The following SLCO6A1 variants were observed in gnomAD, a reference collection of about 807,000 sequenced individuals.
The protein encoded by SLCO6A1 is cancer/testis antigen 48.
SLCO6A1 carries 65 observed loss-of-function variants against 72.7 expected under a neutral mutation model. The observed-to-expected ratio is 0.89, with a 90% CI of 0.73 to 1.10. SLCO6A1 has a LOEUF of 1.10. SLCO6A1 is among the 50% of genes least tolerant of loss of function. The probability of loss-of-function intolerance (pLI) is 0.00; values close to 1 mark genes in which losing one functional copy is unlikely to be tolerated. For synonymous variants in SLCO6A1, 314 were observed against 298.2 expected, an observed-to-expected ratio of 1.05 and a Z score of -0.55; for missense variants, 874 against 872.6, an observed-to-expected ratio of 1.00 and a Z score of -0.02.
intron 4 of SLCO6A1, among the ~76,000 whole-genome samples, chr5:102,471,257 T>C (rs1221243990): frequency 1.3e-5 from 2 of 152,032 alleles, no homozygotes; most frequent in Non-Finnish European, 2.9e-5. Context: ...CATGTTCTCC[T>C]TACCACCTAT....
At chr5:102,404,045 T>A (rs1182111479) in intron 9 of SLCO6A1, among the ~76,000 whole-genome samples, 1 of 152,256 alleles carries the variant, frequency 6.6e-6, no homozygotes, top group Non-Finnish European at 1.5e-5. Flanking sequence ...CTCATTCCTA[T>A]AACTTGCCAA....
chr5:102,374,282 A>C (rs975997434), intron 12 of SLCO6A1, among the ~76,000 whole-genome samples: 2 of 152,178 alleles, frequency 1.3e-5, no homozygotes, highest in African/African-American at 2.4e-5. Flanking sequence ...CTGGGATTAC[A>C]GACAGGAGCC....
At chr5:102,465,513 C>G (rs1405882148) in intron 4 of SLCO6A1, among the ~76,000 whole-genome samples, 1 of 152,082 alleles carries the variant, frequency 6.6e-6, no homozygotes, top group Non-Finnish European at 1.5e-5. Flanking sequence ...TAATAGTGTG[C>G]ATTCATGTAT....
At chr5:102,416,906 C>G (rs1291759767) in intron 8 of SLCO6A1, among the ~76,000 whole-genome samples, 2 of 152,196 alleles carry the variant, frequency 1.3e-5, no homozygotes, top group African/African-American at 4.8e-5. Flanking sequence ...TTTTGATCTA[C>G]TTCTGACCAC....
In SLCO6A1 at chr5:102,399,672, G is replaced by A. The variant is rs1256562725; in HGVS notation, c.1697C>T (p.Ala566Val). 3.1e-6 allele frequency: 5 copies of A among 1,608,818 alleles called. No homozygotes were observed. Among genetic ancestry groups the A allele is most frequent in the Non-Finnish European group, 4.2e-6 (5 of 1,176,564 alleles). ...TADAEGDFID[A>V]RPGKCDAKCY... The stretch of plus-strand genomic sequence containing the variant: ...CTTTGCATCACATTTCCCGGGTCTG[G>A]CATCAATAAAATCACCTTCTGCATC... The change falls in exon 10 of 14, where the codon GCC becomes GTC. Residue 566 changes from alanine (A) to valine (V), a missense_variant. By Grantham distance (64) the Ala-to-Val change is moderately conservative (BLOSUM62 0). Transcript: ENST00000506729.
At chr5:102,470,366 C>T (rs997816118) in intron 4 of SLCO6A1, among the ~76,000 whole-genome samples, 9 of 152,130 alleles carry the variant, frequency 5.9e-5, no homozygotes, top group Non-Finnish European at 8.8e-5. Context: ...AGAGATTCAA[C>T]TTCTTCCTGG....
chr5:102,407,922 T>G (rs1901522), intron 9 of SLCO6A1, among the ~76,000 whole-genome samples: 98,353 of 151,946 alleles, frequency 0.65, 32,040 homozygotes, highest in African/African-American at 0.67. Flanking sequence ...CCTGTGAGAC[T>G]TGGAGCAGAG....
chr5:102,458,392 G>T lies in SLCO6A1; in HGVS notation c.1121C>A (p.Ala374Asp). The T allele has an allele frequency of 1.2e-6, 2 of 1,606,980 alleles. No homozygotes were observed. The highest frequency in any genetic ancestry group is 1.7e-6 in the Non-Finnish European group (2 of 1,175,278). Reference protein sequence around the residue: ...KLGTNIKDLCAALWILMKNPV... With the variant: ...KLGTNIKDLCDALWILMKNPV... Reference sequence around the variant, plus strand: ...AATATTTTACTTTACCCAAAGAGCAGCACATAAATCCTTGATATTAGTTCC... The same window carrying T: ...AATATTTTACTTTACCCAAAGAGCATCACATAAATCCTTGATATTAGTTCC... Residue 374 changes from alanine (A) to aspartate (D), a missense_variant, in exon 6 of 14, where the codon GCT becomes GAT. Ala to Asp is a moderately radical substitution (Grantham distance 126). Coordinates refer to ENST00000506729, the MANE Select transcript of SLCO6A1 (RefSeq NM_173488.5).
At chr5:102,475,237 T>A (rs78237582) in intron 4 of SLCO6A1, among the ~76,000 whole-genome samples, 2,618 of 152,192 alleles carry the variant, frequency 0.017, 51 homozygotes, top group African/African-American at 0.047. Flanking sequence ...TGTACAATAA[T>A]ACAGTGGAGT....
intron 7 of SLCO6A1, among the ~76,000 whole-genome samples, chr5:102,433,274 C>T (rs1749319390): frequency 6.6e-6 from 1 of 152,138 alleles, no homozygotes; most frequent in South Asian, 2.1e-4. Context: ...TCACTTCAGC[C>T]ATCTAAGACT....
chr5:102,375,021 T>C (rs543663728), intron 12 of SLCO6A1, among the ~76,000 whole-genome samples: 1 of 152,284 alleles, frequency 6.6e-6, no homozygotes, highest in South Asian at 2.1e-4. Flanking sequence ...GCTTTTTCTC[T>C]GTGGTTATTT....
At chr5:102,422,834 A>G (rs1006177306) in intron 7 of SLCO6A1, among the ~76,000 whole-genome samples, 4 of 152,194 alleles carry the variant, frequency 2.6e-5, no homozygotes, top group Non-Finnish European at 5.9e-5. Flanking sequence ...CAGATTAATC[A>G]AGGTTAAAAC....
intron 7 of SLCO6A1, among the ~76,000 whole-genome samples, chr5:102,427,404 C>T (rs1397668445): frequency 6.6e-6 from 1 of 152,052 alleles, no homozygotes; most frequent in Non-Finnish European, 1.5e-5. Flanking sequence ...ATAGTATATT[C>T]CCTTGATATG....
At chr5:102,374,751 C>T (rs2112464383) in intron 12 of SLCO6A1, among the ~76,000 whole-genome samples, 1 of 152,106 alleles carries the variant, frequency 6.6e-6, no homozygotes, top group Non-Finnish European at 1.5e-5. Context: ...GTAAATAACA[C>T]AGTAAATAAT....
intron 8 of SLCO6A1, among the ~76,000 whole-genome samples, chr5:102,416,561 C>T (rs1233376413): frequency 4.6e-5 from 7 of 151,864 alleles, no homozygotes; most frequent in Non-Finnish European, 2.9e-5. Context: ...GAATGATAGA[C>T]CATGGAGACT....
At chr5:102,485,931 G>T (rs1440502371) in intron 1 of SLCO6A1, among the ~76,000 whole-genome samples, 1 of 152,184 alleles carries the variant, frequency 6.6e-6, no homozygotes, top group Non-Finnish European at 1.5e-5. Context: ...CTCTACAAGT[G>T]TGTAAGTGTC....
chr5:102,380,640 A>G (rs1746054057), intron 12 of SLCO6A1, among the ~76,000 whole-genome samples: 1 of 152,068 alleles, frequency 6.6e-6, no homozygotes, highest in South Asian at 2.1e-4. Flanking sequence ...CAATGAAGGC[A>G]GTCTTCTACA....
intron 3 of SLCO6A1, 123 bp downstream of exon 3, chr5:102,477,553 A>G (rs1751966179): frequency 5.6e-6 from 4 of 717,366 alleles, no homozygotes; most frequent in Non-Finnish European, 8.8e-6. Context: ...TAGCATACCA[A>G]TTATCATTTA....
chr5:102,404,543 G>A (rs561218010), intron 9 of SLCO6A1, among the ~76,000 whole-genome samples: 9 of 152,036 alleles, frequency 5.9e-5, no homozygotes, highest in African/African-American at 2.2e-4. Context: ...TATTTTGAAA[G>A]TTTATAACAC....
Sources: allele counts gnomAD v4.1 joint callset (sites outside exome capture counted in the v4.1 genomes callset), GRCh38; gene constraint gnomAD v4.1.1; transcripts MANE v1.5; gene names NCBI Gene and HGNC (gene_info 2026-07-23, HGNC 2026-07-21).